GRID2IP: variants seen among roughly 807,000 people sequenced by gnomAD.
GRID2IP encodes the protein Grid2 interacting protein.
Under a neutral mutation model 114.3 loss-of-function variants are expected in GRID2IP, and 78 were observed. The observed-to-expected ratio is 0.68, with a 90% CI of 0.57 to 0.82. The LOEUF (loss-of-function observed/expected upper bound fraction) is 0.82, where lower values mean the gene tolerates loss of function less well. GRID2IP is among the 40% of genes least tolerant of loss of function. The probability of loss-of-function intolerance (pLI) is 0.00; values close to 1 mark genes in which losing one functional copy is unlikely to be tolerated. For synonymous variants in GRID2IP, 809 were observed against 724.0 expected, an observed-to-expected ratio of 1.12 and a Z score of -1.89; for missense variants, 1,727 against 1,678.5, an observed-to-expected ratio of 1.03 and a Z score of -0.51.
At position 6,510,274 on chromosome 7, in the gene GRID2IP, G is replaced by C. The variant is rs991130518; in HGVS notation, c.1771+9C>G. On this transcript the variant is annotated intron_variant, in intron 11 of 21. Coordinates refer to ENST00000457091, the MANE Select transcript of GRID2IP (RefSeq NM_001145118.2). The stretch of plus-strand genomic sequence containing the variant: ...CCCAGACAGTAGATGACAGAGGCTG[G>C]AGCCCTACCTGTGGTGACTGCTGGG... 1 of 1,513,764 alleles carries C rather than the reference G, an allele frequency of 6.6e-7. No homozygotes were observed. Among genetic ancestry groups the C allele is most frequent in the Non-Finnish European group, 8.9e-7 (1 of 1,119,142 alleles). 93.8% of individuals were successfully genotyped at this position (1,513,764 alleles called of 1,614,324 possible). A position where few individuals can be genotyped will look rare whatever the true frequency, so the allele number is the denominator to read the frequency against.
rs989668743 is a variant in GRID2IP at position 6,502,771 on chromosome 7, G to C, written c.3150+15C>G. On this transcript the variant is annotated intron_variant, in intron 18 of 21. Transcript: ENST00000457091. ...TAGAGCAAACCAGTCGATTGCTGCC[G>C]GCAGGTCCCCTCACCTCTGTCAGAA... 7.8e-6 allele frequency: 12 copies of C among 1,542,168 alleles called. No individual in the cohort carries two copies. The highest frequency in any genetic ancestry group is 1.4e-5 in the African/African-American group (1 of 72,836).
chr7:6,537,370 C>CT (rs772469574), intron 2 of GRID2IP, among the ~76,000 whole-genome samples: 6,809 of 58,332 alleles, frequency 0.12, 841 homozygotes, highest in Non-Finnish European at 0.15. Context: ...ATGGTGAGAC[C>CT]TTTTTTTTTT....
At chr7:6,502,518 T>C (rs1433758199) in intron 18 of GRID2IP, among the ~76,000 whole-genome samples, 1 of 152,052 alleles carries the variant, frequency 6.6e-6, no homozygotes, top group Non-Finnish European at 1.5e-5. Context: ...CCCAGCCCAA[T>C]CCCCAGCCTT....
intron 7 of GRID2IP, among the ~76,000 whole-genome samples, chr7:6,515,187 C>T (rs184867306): frequency 2.8e-4 from 43 of 152,208 alleles, no homozygotes; most frequent in Admixed American, 6.5e-4. Context: ...GCAGGCCTGG[C>T]GTGGCGGCTC....
chr7:6,503,697 G>T lies in GRID2IP; in HGVS notation c.2711-10C>A, dbSNP rs1333896593. The T allele has an allele frequency of 1.4e-6, 2 of 1,469,486 alleles. No homozygotes were observed. Among genetic ancestry groups the T allele is most frequent in the African/African-American group, 2.9e-5 (2 of 68,334 alleles). 91.0% of individuals were successfully genotyped at this position (1,469,486 alleles called of 1,614,324 possible). ...TGTGCCAAGAGGATGGCTGCGGGCG[G>T]GGCGGGGCGGTGAGCTGGGCGGGGC... On this transcript the variant is annotated splice_polypyrimidine_tract_variant and intron_variant, in intron 15 of 21. Transcript: ENST00000457091.
intron 4 of GRID2IP, 123 bp from the exon 5 acceptor site, chr7:6,522,080 TG>T: frequency 1.3e-6 from 1 of 753,908 alleles, no homozygotes; most frequent in Non-Finnish European, 2.2e-6. Flanking sequence ...CCGGGCATGG[TG>T]GCTCACACCT....
Position 6,516,762 on chromosome 7 carries a change from G to T in GRID2IP, c.1269-2233C>A, listed in dbSNP as rs1016251830. Among the ~76,000 whole-genome samples, 2 of 152,184 alleles carry T rather than the reference G, an allele frequency of 1.3e-5. No homozygotes were observed. Among genetic ancestry groups the T allele is most frequent in the Non-Finnish European group, 2.9e-5 (2 of 68,038 alleles). Reference sequence around the variant, plus strand: ...TCTAGATAGCAGCAGCAGAATTAGTGAAAGTACTAAAGTCTTTAAAATGCA... The same window carrying T: ...TCTAGATAGCAGCAGCAGAATTAGTTAAAGTACTAAAGTCTTTAAAATGCA... On this transcript the variant is annotated intron_variant, in intron 7 of 21. Transcript: ENST00000457091. The surrounding 1 kb of genome is among the most constrained non-coding windows in gnomAD (Gnocchi z 4.3).
intron 10 of GRID2IP, 80 bp downstream of exon 10, chr7:6,510,529 G>T: frequency 7.6e-7 from 1 of 1,316,986 alleles, no homozygotes; most frequent in South Asian, 1.5e-5. Context: ...GCCTTGGCCT[G>T]GGTCTCCTGG....
In GRID2IP at chr7:6,501,814, G is replaced by A. The variant is rs1000880910; in HGVS notation, c.3366C>T (p.Pro1122=). The change falls in exon 20 of 22, where the codon CCC becomes CCT. Residue 1122 remains proline (P), a synonymous_variant. Transcript: ENST00000457091. Reference sequence around the variant, plus strand: ...CCATTGCAAACTTGTCCTCGCTAGAGGGGGAAATGCTCTGGCAGGCATCCT... The same window carrying A: ...CCATTGCAAACTTGTCCTCGCTAGAAGGGGAAATGCTCTGGCAGGCATCCT... ...EIQDACQSIS[P]SSEDKFAMVM... 15 of 1,551,378 alleles carry A rather than the reference G, an allele frequency of 9.7e-6. No individual in the cohort carries two copies. Among genetic ancestry groups the A allele is most frequent in the Non-Finnish European group, 1.2e-5 (14 of 1,146,888 alleles).
chr7:6,515,414 T>C (rs576044413), intron 7 of GRID2IP, among the ~76,000 whole-genome samples: 1 of 151,234 alleles, frequency 6.6e-6, no homozygotes, highest in Non-Finnish European at 1.5e-5. Flanking sequence ...TGAGCTGAGA[T>C]TGCGCCACTG....
In GRID2IP at chr7:6,534,593, C is replaced by T. The variant is rs766814643; in HGVS notation, c.584+5125G>A. ...TGTGACGATGGACAAGGTCTACATC[C>T]GCCTGGTCCTGTACGGTAGCCGCTA... On this transcript the variant is annotated intron_variant, in intron 2 of 21. Transcript: ENST00000457091. The surrounding 1 kb of genome is among the most constrained non-coding windows in gnomAD (Gnocchi z 4.5). Among the ~76,000 whole-genome samples, 1 of 152,204 alleles carries T rather than the reference C, an allele frequency of 6.6e-6. No individual in the cohort carries two copies. Among genetic ancestry groups the T allele is most frequent in the Admixed American group, 6.5e-5 (1 of 15,276 alleles).
chr7:6,504,022 A>G (rs1786500097), intron 15 of GRID2IP, among the ~76,000 whole-genome samples: 1 of 148,098 alleles, frequency 6.8e-6, no homozygotes, highest in South Asian at 2.2e-4. Context: ...GGCCCAGGAT[A>G]CAGCGGGGAA....
chr7:6,512,518 T>A (rs894504094), intron 8 of GRID2IP, among the ~76,000 whole-genome samples: 6 of 151,862 alleles, frequency 4.0e-5, no homozygotes, highest in Admixed American at 2.0e-4. Context: ...TTTTTTATTT[T>A]TTTTTTCTTT....
rs1454497033 is a variant in GRID2IP at position 6,528,858 on chromosome 7, C to T, written c.585-2089G>A. Reference sequence around the variant, plus strand: ...CTCACCTCTGCCCGGTGCCCATTCCCATCCACCTGCAATGCTTCCTGCAAA... The same window carrying T: ...CTCACCTCTGCCCGGTGCCCATTCCTATCCACCTGCAATGCTTCCTGCAAA... On this transcript the variant is annotated intron_variant, in intron 2 of 21. Transcript: ENST00000457091. This position sits in a 1 kb window ranked among gnomAD's most constrained non-coding sequence, Gnocchi z 6.0. 6.6e-6 allele frequency among the ~76,000 whole-genome samples: 1 copy of T among 152,156 alleles called. No homozygotes were observed. Among genetic ancestry groups the T allele is most frequent in the Non-Finnish European group, 1.5e-5 (1 of 68,024 alleles).
chr7:6,509,882 T>G lies in GRID2IP; in HGVS notation c.1771+401A>C, dbSNP rs1343864219. Among the ~76,000 whole-genome samples, 1 of 152,196 alleles carries G rather than the reference T, an allele frequency of 6.6e-6. No homozygotes were observed. The highest frequency in any genetic ancestry group is 1.9e-4 in the East Asian group (1 of 5,198). ...TTACTCTGTTGCTTATAGGCTAGAG[T>G]GCAGTGGTTCGAAATAGCTCACTGC... On this transcript the variant is annotated intron_variant, in intron 11 of 21. Coordinates refer to ENST00000457091, the MANE Select transcript of GRID2IP (RefSeq NM_001145118.2). This position sits in a 1 kb window ranked among gnomAD's most constrained non-coding sequence, Gnocchi z 4.9.
intron 7 of GRID2IP, among the ~76,000 whole-genome samples, chr7:6,514,750 G>A (rs534699324): frequency 6.6e-5 from 10 of 151,460 alleles, no homozygotes; most frequent in Non-Finnish European, 1.5e-4. Context: ...TCAGGAGTTC[G>A]AGACCAGCCC....
At chr7:6,510,001 T>G (rs543938960) in intron 11 of GRID2IP, among the ~76,000 whole-genome samples, 5 of 152,176 alleles carry the variant, frequency 3.3e-5, no homozygotes, top group Non-Finnish European at 7.3e-5. Context: ...GCTAATTTTG[T>G]ATTTTTTTTG....
intron 4 of GRID2IP, among the ~76,000 whole-genome samples, chr7:6,525,963 G>T (rs1779502403): frequency 6.6e-6 from 1 of 152,154 alleles, no homozygotes; most frequent in African/African-American, 2.4e-5. Context: ...TTGGGGGGAT[G>T]CTGAATTTAG....
chr7:6,502,032 C>T lies in GRID2IP; in HGVS notation c.3237G>A (p.Leu1079=). The change falls in exon 19 of 22, where the codon CTG becomes CTA. Residue 1079 remains leucine (L), a synonymous_variant. Coordinates refer to ENST00000457091, the MANE Select transcript of GRID2IP (RefSeq NM_001145118.2). ...CGGTGGGCAGGTCCTGAGCAAAGCCCAGGAGTTCAGGGAAGTGCTGGCTCA... is the reference window on the plus strand; with the variant it reads ...CGGTGGGCAGGTCCTGAGCAAAGCCTAGGAGTTCAGGGAAGTGCTGGCTCA... ...KSLSQHFPEL[L]GFAQDLPTVP... 6.4e-7 allele frequency: 1 copy of T among 1,551,428 alleles called. No individual in the cohort carries two copies. The highest frequency in any genetic ancestry group is 8.7e-7 in the Non-Finnish European group (1 of 1,146,938).
Sources: gnomAD v4.1 joint callset for allele counts (sites outside exome capture counted in the v4.1 genomes callset) on GRCh38, gnomAD v4.1.1 for gene constraint, Gnocchi (gnomAD v3.1) non-coding constraint, MANE v1.5 for transcripts, NCBI Gene and HGNC (gene_info 2026-07-23, HGNC 2026-07-21) for gene names.